Variants in RLF observed in about 807,000 individuals in gnomAD.
RLF encodes the protein RLF zinc finger, also known as zinc finger protein Rlf.
RLF carries 7 observed loss-of-function variants against 162.9 expected under a neutral mutation model. The ratio of observed to expected loss-of-function variants is 0.04; its 90% CI spans 0.02 to 0.08. RLF has a LOEUF of 0.08. RLF is among the 10% of genes least tolerant of loss of function. RLF has a pLI of 1.00. For missense variants in RLF, 1,664 were observed against 2,244.7 expected, an observed-to-expected ratio of 0.74 and a Z score of 5.23; for synonymous variants, 782 against 791.5, an observed-to-expected ratio of 0.99 and a Z score of 0.20.
intron 5 of RLF, among the ~76,000 whole-genome samples, chr1:40,204,083 A>G (rs575305441): frequency 1.4e-5 from 2 of 143,602 alleles, no homozygotes; most frequent in South Asian, 4.4e-4. Context: ...CCCAGGCTAG[A>G]GTGTAGTGGC....
intron 5 of RLF, among the ~76,000 whole-genome samples, chr1:40,209,886 A>C (rs1642845062): frequency 6.6e-6 from 1 of 152,092 alleles, no homozygotes. Context: ...TTAAAAAAAA[A>C]AAAAAAAGGC....
chr1:40,237,038 A>G lies in RLF; in HGVS notation c.2336A>G (p.Asn779Ser). Residue 779 changes from asparagine (N) to serine (S), a missense_variant, in exon 8 of 8, where the codon AAT (asparagine) becomes AGT (serine). Physicochemically the swap from Asn to Ser is conservative, Grantham distance 46. Around this residue, in one of 15 missense-constraint regions of RLF, gnomAD observed 69 missense variants for 206.4 expected, o/e 0.33. Transcript: ENST00000372771. The surrounding 1 kb of genome is among the most constrained non-coding windows in gnomAD (Gnocchi z 4.4). Reference protein sequence around the residue: ...LRYKCELNGCNIVFSDLGQLY... With the variant: ...LRYKCELNGCSIVFSDLGQLY... The stretch of plus-strand genomic sequence containing the variant: ...TACAAATGTGAATTAAATGGCTGTA[A>G]TATTGTTTTCAGTGACTTGGGACAG... 11 of 1,614,164 alleles carry G rather than the reference A, an allele frequency of 6.8e-6. No individual in the cohort carries two copies. Among genetic ancestry groups the G allele is most frequent in the East Asian group, 2.2e-5 (1 of 44,888 alleles).
At chr1:40,220,832 A>C (rs930927585) in intron 5 of RLF, among the ~76,000 whole-genome samples, 5 of 152,160 alleles carry the variant, frequency 3.3e-5, no homozygotes, top group African/African-American at 9.7e-5. Context: ...TGCATAAAAA[A>C]GTTAAATAAT....
At chr1:40,186,026 G>A (rs183680972) in intron 1 of RLF, among the ~76,000 whole-genome samples, 8 of 152,024 alleles carry the variant, frequency 5.3e-5, no homozygotes, top group Admixed American at 4.6e-4. Context: ...GCCTGGTGGC[G>A]CACAGTTGTA....
intron 5 of RLF, among the ~76,000 whole-genome samples, chr1:40,212,650 T>C (rs765479580): frequency 5.3e-5 from 8 of 152,322 alleles, no homozygotes; most frequent in Middle Eastern, 3.4e-3. Flanking sequence ...TCCGTTTCAT[T>C]CTTAATCCCT....
At position 40,239,070 on chromosome 1, in the gene RLF, C is replaced by G. The variant is rs1354600984; in HGVS notation, c.4368C>G (p.Thr1456=). 19 of 1,614,092 alleles carry G rather than the reference C, an allele frequency of 1.2e-5. No homozygotes were observed. Among genetic ancestry groups the G allele is most frequent in the Non-Finnish European group, 1.6e-5 (19 of 1,180,010 alleles). ...CDLNGCGQIF[T]HRSNYSQHVY... Reference sequence around the variant, plus strand: ...TTAATGGCTGTGGCCAGATTTTCACCCATCGCAGTAATTACTCACAACATG... The same window carrying G: ...TTAATGGCTGTGGCCAGATTTTCACGCATCGCAGTAATTACTCACAACATG... Residue 1456 remains threonine, a synonymous_variant, in exon 8 of 8, where the codon ACC becomes ACG. Transcript: ENST00000372771.
chr1:40,185,755 G>A (rs562027571), intron 1 of RLF, among the ~76,000 whole-genome samples: 134 of 143,444 alleles, frequency 9.3e-4, no homozygotes, highest in African/African-American at 3.1e-3. Flanking sequence ...GTGAACCTGG[G>A]AGGTGGAGCT....
At chr1:40,168,504 A>T (rs552210670) in intron 1 of RLF, among the ~76,000 whole-genome samples, 1 of 152,104 alleles carries the variant, frequency 6.6e-6, no homozygotes, top group African/African-American at 2.4e-5. Flanking sequence ...CAGCTTCCCA[A>T]AGTGCTGGGA....
intron 1 of RLF, among the ~76,000 whole-genome samples, chr1:40,175,019 A>C (rs1387836913): frequency 6.6e-6 from 1 of 152,110 alleles, no homozygotes; most frequent in Non-Finnish European, 1.5e-5. Context: ...TGGGCAACGT[A>C]GTGAGACCCT....
intron 1 of RLF, among the ~76,000 whole-genome samples, chr1:40,175,296 T>C (rs1642306667): frequency 6.6e-6 from 1 of 152,118 alleles, no homozygotes; most frequent in Admixed American, 6.6e-5. Flanking sequence ...ATCTTGTGTT[T>C]TATTGTCACG....
intron 5 of RLF, among the ~76,000 whole-genome samples, chr1:40,212,093 T>C (rs1642872575): frequency 6.6e-6 from 1 of 152,236 alleles, no homozygotes; most frequent in Non-Finnish European, 1.5e-5. Flanking sequence ...ACACACATAT[T>C]TGCCATCTAC....
rs781721545 is a variant in RLF, at chr1:40,236,588, G to A, written c.1886G>A (p.Cys629Tyr). ...LLLKGSQKGICPKSPSAIPEQ... is the reference protein window; with the variant it reads ...LLLKGSQKGIYPKSPSAIPEQ... The stretch of plus-strand genomic sequence containing the variant: ...TTAAAAGGCTCTCAAAAGGGTATTT[G>A]TCCTAAGAGCCCCTCTGCAATCCCA... Residue 629 changes from cysteine to tyrosine, a missense_variant, in exon 8 of 8, where the codon TGT (cysteine) becomes TAT (tyrosine). Physicochemically the swap from Cys to Tyr is radical, Grantham distance 194. This residue lies in a region of RLF where 50 missense variants were observed against 46.7 expected (regional missense o/e 1.07). Coordinates refer to ENST00000372771, the MANE Select transcript of RLF (RefSeq NM_012421.4). This position sits in a 1 kb window ranked among gnomAD's most constrained non-coding sequence, Gnocchi z 7.7. 1.9e-6 allele frequency: 3 copies of A among 1,614,124 alleles called. No individual in the cohort carries two copies. Among genetic ancestry groups the A allele is most frequent in the Non-Finnish European group, 2.5e-6 (3 of 1,180,006 alleles).
chr1:40,161,718 G>C lies in RLF; in HGVS notation c.237+82G>C. The C allele has an allele frequency of 6.5e-7, 1 of 1,536,866 alleles. No individual in the cohort carries two copies. Reference sequence around the variant, plus strand: ...CCCTGGATCCTCTGTAAGCAGCCGGGTCCAAACTGAAAGGCGCCACCTCCG... The same window carrying C: ...CCCTGGATCCTCTGTAAGCAGCCGGCTCCAAACTGAAAGGCGCCACCTCCG... On this transcript the variant is annotated intron_variant, in intron 1 of 7. Coordinates refer to ENST00000372771, the MANE Select transcript of RLF (RefSeq NM_012421.4). The surrounding 1 kb of genome is among the most constrained non-coding windows in gnomAD (Gnocchi z 4.4).
At chr1:40,207,217 A>G (rs1642808919) in intron 5 of RLF, among the ~76,000 whole-genome samples, 1 of 152,238 alleles carries the variant, frequency 6.6e-6, no homozygotes, top group African/African-American at 2.4e-5. Context: ...TATTGAATGA[A>G]TTAATGAAAG....
At chr1:40,231,186 A>G (rs1643147727) in intron 6 of RLF, among the ~76,000 whole-genome samples, 3 of 152,238 alleles carry the variant, frequency 2.0e-5, no homozygotes, top group African/African-American at 7.2e-5. Context: ...GCTTAATTCA[A>G]TCAGTATATT....
At chr1:40,224,600 T>TTC (rs1553176128) in intron 6 of RLF, among the ~76,000 whole-genome samples, 3 of 93,652 alleles carry the variant, frequency 3.2e-5, no homozygotes, top group Admixed American at 1.2e-4. Context: ...TTTTTTTTTT[T>TTC]CCCCTTCCAT....
chr1:40,190,585 T>C (rs902031868), intron 2 of RLF, among the ~76,000 whole-genome samples, 187 bp from the exon 3 acceptor site: 6 of 152,208 alleles, frequency 3.9e-5, no homozygotes, highest in Non-Finnish European at 7.3e-5. Context: ...TATAAAGCCT[T>C]GTGGTCTTTC....
chr1:40,228,187 G>A (rs1570560983), intron 6 of RLF, among the ~76,000 whole-genome samples: 1 of 151,922 alleles, frequency 6.6e-6, no homozygotes, highest in East Asian at 1.9e-4. Flanking sequence ...TCAGGAGGCT[G>A]AGGCAGGAGA....
rs1219499075 is a variant in RLF at position 40,237,487 on chromosome 1, A to C, written c.2785A>C (p.Asn929His). Reference protein sequence around the residue: ...SETMQDVLLSNEKVFGPSSLK... With the variant: ...SETMQDVLLSHEKVFGPSSLK... ...AACTATGCAGGATGTATTGTTATCTAATGAGAAAGTCTTTGGGCCCTCCAG... is the reference window on the plus strand; with the variant it reads ...AACTATGCAGGATGTATTGTTATCTCATGAGAAAGTCTTTGGGCCCTCCAG... The change falls in exon 8 of 8, where the codon AAT (asparagine) becomes CAT (histidine). Residue 929 changes from asparagine to histidine, a missense_variant. Coordinates refer to ENST00000372771, the MANE Select transcript of RLF (RefSeq NM_012421.4). The surrounding 1 kb of genome is among the most constrained non-coding windows in gnomAD (Gnocchi z 4.4). 6.2e-7 allele frequency: 1 copy of C among 1,613,946 alleles called. No homozygotes were observed. Among genetic ancestry groups the C allele is most frequent in the Non-Finnish European group, 8.5e-7 (1 of 1,180,006 alleles).
Sources: gnomAD v4.1 joint callset for allele counts (sites outside exome capture counted in the v4.1 genomes callset) on GRCh38, gnomAD v4.1.1 for gene constraint, gnomAD v4.1.1 regional missense constraint, Gnocchi (gnomAD v3.1) non-coding constraint, MANE v1.5 for transcripts, NCBI Gene and HGNC (gene_info 2026-07-23, HGNC 2026-07-21) for gene names.